VPS13A: variants seen among roughly 807,000 people sequenced by gnomAD.
The protein encoded by VPS13A is intermembrane lipid transfer protein VPS13A.
A neutral mutation model predicts 390.9 loss-of-function variants in VPS13A; 264 were observed. The ratio of observed to expected loss-of-function variants is 0.68; its 90% CI spans 0.61 to 0.75. The LOEUF (loss-of-function observed/expected upper bound fraction) is 0.75. VPS13A is among the 30% of genes least tolerant of loss of function. The probability of loss-of-function intolerance (pLI) is 0.00; values close to 1 mark genes in which losing one functional copy is unlikely to be tolerated. For synonymous variants in VPS13A, 1,231 were observed against 1,227.1 expected (o/e 1.00, Z -0.07); for missense variants, 3,409 against 3,733.9 (o/e 0.91, Z 2.27).
intron 68 of VPS13A, among the ~76,000 whole-genome samples, chr9:77,400,223 A>ATTTTTTTTTTTTTTTTTTTTTTTT (rs34605855): frequency 7.9e-5 from 7 of 88,114 alleles, no homozygotes; most frequent in African/African-American, 3.6e-4. Context: ...TATCAGTCAG[A>ATTTTTTTTTTTTTTTTTTTTTTTT]TTTTTTTTTT....
chr9:77,321,606 G>A lies in VPS13A; in HGVS notation c.5690G>A (p.Ser1897Asn), dbSNP rs774833980. ...TISVSPSDSF[S>N]VLNIPMAKSY... ...TCTGTTTCGCCAAGTGATTCTTTTA[G>A]TGTACTCAACATTCCTATGGCAAAA... The change falls in exon 44 of 72, where the codon AGT (serine) becomes AAT (asparagine). Residue 1897 changes from serine (S) to asparagine (N), a missense_variant. By Grantham distance (46) the Ser-to-Asn change is conservative (BLOSUM62 1). This residue lies in a region of VPS13A where 2,717 missense variants were observed against 2,917.4 expected (regional missense o/e 0.93). Coordinates refer to ENST00000360280, the MANE Select transcript of VPS13A (RefSeq NM_033305.3). The A allele has an allele frequency of 5.6e-6, 9 of 1,613,384 alleles. No homozygotes were observed. Among genetic ancestry groups the A allele is most frequent in the Non-Finnish European group, 7.6e-6 (9 of 1,179,610 alleles).
intron 47 of VPS13A, 164 bp downstream of exon 47, chr9:77,337,701 T>C: frequency 1.5e-6 from 1 of 683,014 alleles, no homozygotes; most frequent in South Asian, 2.5e-5. Context: ...AGAATTATTA[T>C]TGAAATAACA....
Position 77,282,978 on chromosome 9 carries a change from T to G in VPS13A, c.3119-377T>G, listed in dbSNP as rs75643204. On this transcript the variant is annotated intron_variant, in intron 29 of 71. Coordinates refer to ENST00000360280, the MANE Select transcript of VPS13A (RefSeq NM_033305.3). ...TTCGAAAAAAAAAAACAAAAAAGAG[T>G]ATCAGAGCATATTTTAAAATCAGAG... Among the ~76,000 whole-genome samples the G allele has an allele frequency of 4.0e-3, 601 of 149,676 alleles. 5 individuals are homozygous for G. Among genetic ancestry groups the G allele is most frequent in the African/African-American group, 0.014 (569 of 40,612 alleles).
chr9:77,288,846 G>A (rs1034418098), intron 31 of VPS13A, among the ~76,000 whole-genome samples: 1 of 151,012 alleles, frequency 6.6e-6, no homozygotes, highest in African/African-American at 2.5e-5. Flanking sequence ...CCATTGATTT[G>A]CCTGTTTCTC....
At chr9:77,232,063 G>A (rs886561541) in intron 17 of VPS13A, among the ~76,000 whole-genome samples, 4 of 152,112 alleles carry the variant, frequency 2.6e-5, no homozygotes, top group Admixed American at 6.6e-5. Flanking sequence ...AGCCATAGAT[G>A]TATGTATGGC....
intron 23 of VPS13A, among the ~76,000 whole-genome samples, chr9:77,267,853 A>C (rs1826124752): frequency 6.6e-6 from 1 of 152,174 alleles, no homozygotes; most frequent in African/African-American, 2.4e-5. Context: ...TTTCTTTCAG[A>C]GATGCCCTGT....
chr9:77,196,465 A>G (rs1825008130), intron 1 of VPS13A, among the ~76,000 whole-genome samples: 1 of 152,120 alleles, frequency 6.6e-6, no homozygotes, highest in African/African-American at 2.4e-5. Flanking sequence ...TCATTGACCA[A>G]TCTTTACCTA....
intron 17 of VPS13A, among the ~76,000 whole-genome samples, chr9:77,236,898 GA>G (rs1438707069): frequency 1.3e-5 from 2 of 152,052 alleles, no homozygotes; most frequent in African/African-American, 2.4e-5. Context: ...AGTTTTAGTA[GA>G]TTTTTTTGTT....
At chr9:77,337,765 T>G (rs1830612603) in intron 47 of VPS13A, 1 of 448,082 alleles carries the variant, frequency 2.2e-6, no homozygotes, top group Non-Finnish European at 3.9e-6. Context: ...GTTGTATTCT[T>G]TTAGTGCTGA....
intron 10 of VPS13A, among the ~76,000 whole-genome samples, chr9:77,216,880 T>G (rs1035510151): frequency 2.0e-5 from 3 of 152,138 alleles, no homozygotes; most frequent in Non-Finnish European, 4.4e-5. Context: ...AGGAGAAAGA[T>G]GTAGGCTCAG....
intron 68 of VPS13A, among the ~76,000 whole-genome samples, chr9:77,386,823 T>C (rs1287990139): frequency 6.6e-6 from 1 of 151,932 alleles, no homozygotes; most frequent in African/African-American, 2.4e-5. Context: ...TTCTCCTGCC[T>C]CAGCCTCCTG....
intron 42 of VPS13A, 118 bp downstream of exon 42, chr9:77,319,791 C>A: frequency 1.8e-6 from 1 of 555,632 alleles, no homozygotes. Context: ...AGAGATTTCC[C>A]GTATACCACC....
intron 41 of VPS13A, 117 bp from the exon 42 acceptor site, chr9:77,319,455 A>G (rs1257810602): frequency 1.4e-6 from 1 of 704,804 alleles, no homozygotes. Flanking sequence ...GAGTGCTTAT[A>G]GGAAGCTACT....
intron 27 of VPS13A, among the ~76,000 whole-genome samples, chr9:77,281,194 T>C (rs959878290): frequency 7.2e-5 from 11 of 152,236 alleles, no homozygotes; most frequent in African/African-American, 2.6e-4. Context: ...AAGTTCCAGA[T>C]AGACAGGAAG....
rs745449192 is a variant in VPS13A, at chr9:77,214,406, TAA to T, written c.754+26_754+27del. On this transcript the variant is annotated intron_variant, in intron 10 of 71. Transcript: ENST00000360280. Reference sequence around the variant, plus strand: ...ATTTTGGTAAGTACATTTTATAAGATAAAAAAAGTAGTTAAAGTAATTGGTAT... The same window carrying T: ...ATTTTGGTAAGTACATTTTATAAGATAAAAAGTAGTTAAAGTAATTGGTAT... 22 of 1,590,198 alleles carry T rather than the reference TAA, an allele frequency of 1.4e-5. No individual in the cohort carries two copies. Among genetic ancestry groups the T allele is most frequent in the Middle Eastern group, 3.3e-4 (2 of 6,022 alleles).
intron 12 of VPS13A, 138 bp downstream of exon 12, chr9:77,220,521 T>C: frequency 1.5e-6 from 1 of 654,520 alleles, no homozygotes; most frequent in Non-Finnish European, 2.6e-6. Flanking sequence ...TAGCTAGAAA[T>C]ATATGTAGCT....
At chr9:77,193,739 G>C (rs1332926393) in intron 1 of VPS13A, among the ~76,000 whole-genome samples, 3 of 152,180 alleles carry the variant, frequency 2.0e-5, no homozygotes. Flanking sequence ...TTCTTGCCCT[G>C]ATTCTTTCTC....
intron 62 of VPS13A, among the ~76,000 whole-genome samples, chr9:77,368,844 G>T (rs533555675): frequency 2.6e-5 from 4 of 152,238 alleles, no homozygotes; most frequent in African/African-American, 9.6e-5. Flanking sequence ...TAAGAATAGC[G>T]ATCAATAAGC....
At chr9:77,236,395 A>C (rs975464431) in intron 17 of VPS13A, among the ~76,000 whole-genome samples, 1 of 152,104 alleles carries the variant, frequency 6.6e-6, no homozygotes, top group Non-Finnish European at 1.5e-5. Flanking sequence ...AGCTTTGTAC[A>C]TTTTTGTTTA....
Sources: allele counts gnomAD v4.1 joint callset (sites outside exome capture counted in the v4.1 genomes callset), GRCh38; gene constraint gnomAD v4.1.1; regional missense constraint gnomAD v4.1.1; transcripts MANE v1.5; gene names NCBI Gene and HGNC (gene_info 2026-07-23, HGNC 2026-07-21).